Variants in STARD5 observed in about 807,000 individuals in gnomAD.
The protein encoded by STARD5 is StAR related lipid transfer domain containing 5, also known as stAR-related lipid transfer protein 5.
In STARD5, 26 loss-of-function variants were observed where a neutral mutation model predicts 24.6. That is an observed-to-expected ratio of 1.06 (90% confidence interval 0.77 to 1.47). The LOEUF (loss-of-function observed/expected upper bound fraction) is 1.47. Among genes scored for constraint, STARD5 ranks in the 40% most tolerant of loss-of-function variants. The pLI, the probability that STARD5 is intolerant of heterozygous loss-of-function variation, is 0.00. For missense variants in STARD5, 254 were observed against 270.8 expected (o/e 0.94, Z 0.44); for synonymous variants, 101 against 99.7 (o/e 1.01, Z -0.07).
At position 81,319,875 on chromosome 15, in the gene STARD5, G is replaced by A. The variant is rs373569234; in HGVS notation, c.283-419C>T. Among the ~76,000 whole-genome samples, 335 of 152,292 alleles carry A rather than the reference G, an allele frequency of 2.2e-3. 13 individuals carry two copies. The South Asian group carries it at 0.068, about 31-fold the overall frequency. The stretch of plus-strand genomic sequence containing the variant: ...GGAACTCAGCACGAAGCTCATGGTG[G>A]AGATAGGATTTGAACAGGGCCAGAG... On this transcript the variant is annotated intron_variant, in intron 3 of 5. Transcript: ENST00000302824.
intron 3 of STARD5, among the ~76,000 whole-genome samples, chr15:81,320,540 C>T (rs2141677275): frequency 6.6e-6 from 1 of 152,252 alleles, no homozygotes; most frequent in South Asian, 2.1e-4. Context: ...TGAATTGTCC[C>T]AGTGTGTAAA....
At chr15:81,322,296 G>T in intron 3 of STARD5, 112 bp downstream of exon 3, 1 of 1,415,204 alleles carries the variant, frequency 7.1e-7, no homozygotes, top group East Asian at 2.3e-5. Context: ...GTGCTTGCAG[G>T]ACACACCCCC....
chr15:81,320,882 T>C (rs1901181084), intron 3 of STARD5, among the ~76,000 whole-genome samples: 1 of 152,228 alleles, frequency 6.6e-6, no homozygotes, highest in African/African-American at 2.4e-5. Context: ...ATGTCATAAA[T>C]GCGACAAACT....
chr15:81,324,103 G>T lies in STARD5; in HGVS notation c.-4C>A. ...GGGCTGCCAGCGCCGGGTCCATTGC[G>T]TCGGGAGCTGCGCTTAGCTGCGGGG... On this transcript the variant is annotated 5_prime_UTR_variant, in exon 1 of 6. Transcript: ENST00000302824. The T allele has an allele frequency of 6.9e-7, 1 of 1,444,902 alleles. No homozygotes were observed. The allele number at this position is 1,444,902 out of a possible 1,614,324, so 89.5% of individuals were successfully genotyped here. A position where few individuals can be genotyped will look rare whatever the true frequency, so the allele number is the denominator to read the frequency against.
rs1051146709 is a variant in STARD5, at chr15:81,310,284, G to T, written c.*2972C>A. 6.6e-6 allele frequency: 1 copy of T among 152,266 alleles called. No individual in the cohort carries two copies. Among genetic ancestry groups the T allele is most frequent in the East Asian group, 1.9e-4 (1 of 5,198 alleles). The allele number at this position is 152,266 out of a possible 1,614,324, so 9.4% of individuals were successfully genotyped here. A position where few individuals can be genotyped will look rare whatever the true frequency, so the allele number is the denominator to read the frequency against. On this transcript the variant is annotated 3_prime_UTR_variant, in exon 6 of 6. Transcript: ENST00000302824. ...ATGGCTTCTCCAGGGTCCACAGGAAGTGAAGAATCTGTTTCCCAGCAGTGG... is the reference window on the plus strand; with the variant it reads ...ATGGCTTCTCCAGGGTCCACAGGAATTGAAGAATCTGTTTCCCAGCAGTGG...
intron 5 of STARD5, among the ~76,000 whole-genome samples, chr15:81,317,685 C>T (rs1384717381): frequency 6.6e-6 from 1 of 152,172 alleles, no homozygotes; most frequent in Non-Finnish European, 1.5e-5. Context: ...GACCCCTTCC[C>T]TCCGGGTGTC....
In STARD5 at chr15:81,313,081, G is replaced by T; in HGVS notation, c.*175C>A. On this transcript the variant is annotated 3_prime_UTR_variant, in exon 6 of 6. Coordinates refer to ENST00000302824, the MANE Select transcript of STARD5 (RefSeq NM_181900.3). The stretch of plus-strand genomic sequence containing the variant: ...CACACGCCAACCCTGAGTGGGGCAG[G>T]AGGCAGGAAGGGTGGGCTGCCGCCT... 1 of 649,642 alleles carries T rather than the reference G, an allele frequency of 1.5e-6. No individual in the cohort carries two copies. Among genetic ancestry groups the T allele is most frequent in the African/African-American group, 1.9e-5 (1 of 52,466 alleles). The allele number at this position is 649,642 out of a possible 1,614,324, so 40.2% of individuals were successfully genotyped here.
intron 5 of STARD5, among the ~76,000 whole-genome samples, chr15:81,315,072 CAG>C (rs1258688339): frequency 2.0e-5 from 3 of 152,078 alleles, no homozygotes; most frequent in South Asian, 2.1e-4. Context: ...CTCCAGGGGA[CAG>C]AGACTTCCTT....
chr15:81,313,343 T>G lies in STARD5; in HGVS notation c.555A>C (p.Pro185=). ...GGAAGAAGGAGTCCACCACGTTCTG[T>G]GGGAGGTAACCGCTGAGGTCGGTAT... ...FFHTDLSGYL[P]QNVVDSFFPR... The change falls in exon 6 of 6, where the codon CCA becomes CCC. Residue 185 remains proline (P), a synonymous_variant. Transcript: ENST00000302824. The G allele has an allele frequency of 6.3e-7, 1 of 1,581,234 alleles. No homozygotes were observed. Among genetic ancestry groups the G allele is most frequent in the Non-Finnish European group, 8.6e-7 (1 of 1,164,200 alleles).
intron 5 of STARD5, among the ~76,000 whole-genome samples, chr15:81,316,801 T>A (rs1901092028): frequency 6.6e-6 from 1 of 152,206 alleles, no homozygotes; most frequent in African/African-American, 2.4e-5. Flanking sequence ...AGAGAACACG[T>A]GATGTTTTTA....
At chr15:81,315,110 G>A (rs899020270) in intron 5 of STARD5, among the ~76,000 whole-genome samples, 2 of 151,776 alleles carry the variant, frequency 1.3e-5, no homozygotes, top group Non-Finnish European at 2.9e-5. Flanking sequence ...AGCATCATCC[G>A]CACTCCACCT....
At chr15:81,323,390 A>G (rs1334618450) in intron 1 of STARD5, 2 of 319,032 alleles carry the variant, frequency 6.3e-6, no homozygotes, top group Admixed American at 9.2e-5. Flanking sequence ...AGAGGGGTTC[A>G]TGCTGTAATG....
chr15:81,323,156 C>A, intron 1 of STARD5: 1 of 590,016 alleles, frequency 1.7e-6, no homozygotes, highest in Non-Finnish European at 3.0e-6. Context: ...TCTTAACTGG[C>A]TGACTCCAAG....
chr15:81,320,211 G>A (rs1186430207), intron 3 of STARD5, among the ~76,000 whole-genome samples: 1 of 152,220 alleles, frequency 6.6e-6, no homozygotes. Context: ...CGGGGTAGGT[G>A]AGAGGGGCTG....
At chr15:81,318,696 A>G (rs1414863919) in intron 4 of STARD5, among the ~76,000 whole-genome samples, 194 bp from the exon 5 acceptor site, 1 of 152,138 alleles carries the variant, frequency 6.6e-6, no homozygotes, top group African/African-American at 2.4e-5. Context: ...ACACTCTCAC[A>G]TGCGTGTACA....
At chr15:81,318,599 GCC>G (rs2141675592) in intron 4 of STARD5, 97 bp from the exon 5 acceptor site, 1 of 1,096,216 alleles carries the variant, frequency 9.1e-7, no homozygotes, top group Admixed American at 2.0e-5. Context: ...ACTACCTGCA[GCC>G]CTGGAGTCTG....
intron 3 of STARD5, among the ~76,000 whole-genome samples, chr15:81,319,899 A>T (rs923043629): frequency 2.0e-5 from 3 of 152,190 alleles, no homozygotes; most frequent in African/African-American, 7.2e-5. Flanking sequence ...ACAGGGCCAG[A>T]GCTAGGGAGA....
Position 81,312,946 on chromosome 15 carries a change from G to A in STARD5, c.*310C>T. 1 of 183,956 alleles carries A rather than the reference G, an allele frequency of 5.4e-6. No individual in the cohort carries two copies. Among genetic ancestry groups the A allele is most frequent in the Non-Finnish European group, 1.1e-5 (1 of 87,850 alleles). The allele number at this position is 183,956 out of a possible 1,614,324, so 11.4% of individuals were successfully genotyped here. On this transcript the variant is annotated 3_prime_UTR_variant, in exon 6 of 6. Transcript: ENST00000302824. ...GCCTTGGTGCCAGAGTGCATCGCAT[G>A]GTGTCCAGGCCGAGTCTCTGTCAGA...
chr15:81,320,500 T>C (rs1007284719), intron 3 of STARD5, among the ~76,000 whole-genome samples: 16 of 152,196 alleles, frequency 1.1e-4, no homozygotes, highest in African/African-American at 3.9e-4. Flanking sequence ...AAGCACAGCA[T>C]ATGCCCATTC....
Sources: allele counts gnomAD v4.1 joint callset (sites outside exome capture counted in the v4.1 genomes callset), GRCh38; gene constraint gnomAD v4.1.1; transcripts MANE v1.5; gene names NCBI Gene and HGNC (gene_info 2026-07-23, HGNC 2026-07-21).